Variants in YPEL1 observed in about 807,000 individuals in gnomAD.
The protein encoded by YPEL1 is yippee like 1.
YPEL1 carries 7 observed loss-of-function variants against 17.3 expected under a neutral mutation model. That is an observed-to-expected ratio of 0.40 (90% confidence interval 0.23 to 0.76). YPEL1 has a LOEUF of 0.76. Among genes scored for constraint, YPEL1 ranks in the 30% least tolerant of loss-of-function variants. The pLI, the probability that YPEL1 is intolerant of heterozygous loss-of-function variation, is 0.35. For missense variants in YPEL1, 91 were observed against 155.5 expected (o/e 0.59, Z 2.21); for synonymous variants, 59 against 59.6 (o/e 0.99, Z 0.05).
chr22:21,725,369 G>A (rs1409862966), intron 1 of YPEL1, among the ~76,000 whole-genome samples: 7 of 151,948 alleles, frequency 4.6e-5, no homozygotes, highest in Admixed American at 1.3e-4. Flanking sequence ...ACAGGCACCC[G>A]CCACCACACC....
intron 1 of YPEL1, among the ~76,000 whole-genome samples, chr22:21,727,481 G>A (rs1482853891): frequency 6.6e-6 from 1 of 152,214 alleles, no homozygotes; most frequent in East Asian, 1.9e-4. Context: ...CCCACGTTTG[G>A]AGGGCAGCTG....
At chr22:21,731,553 A>AAC (rs2068387277) in intron 1 of YPEL1, among the ~76,000 whole-genome samples, 2 of 151,564 alleles carry the variant, frequency 1.3e-5, no homozygotes, top group African/African-American at 2.4e-5. Context: ...AAAAAAAAAA[A>AAC]AAACAGATAC....
intron 2 of YPEL1, chr22:21,704,232 C>G (rs2068095297): frequency 7.0e-6 from 5 of 712,908 alleles, no homozygotes; most frequent in South Asian, 4.5e-5. Flanking sequence ...ATGATTTTCT[C>G]TACCCGAAAA....
intron 1 of YPEL1, among the ~76,000 whole-genome samples, chr22:21,732,938 A>T (rs542490219): frequency 6.6e-6 from 1 of 151,954 alleles, no homozygotes; most frequent in Non-Finnish European, 1.5e-5. Flanking sequence ...CCCAAACCTC[A>T]TATCTACCAA....
chr22:21,711,883 C>G (rs2068169778), intron 1 of YPEL1, among the ~76,000 whole-genome samples: 1 of 152,152 alleles, frequency 6.6e-6, no homozygotes, highest in Non-Finnish European at 1.5e-5. Flanking sequence ...CGTAAAAATT[C>G]AAAACTTCTG....
In YPEL1 at chr22:21,714,523, G is replaced by A. The variant is rs187119745; in HGVS notation, c.-164-3615C>T. ...CTGGGCCCCCTTCACCTGGTGTCCC[G>A]TCAGATACACTGCATGCAGCCACTG... On this transcript the variant is annotated intron_variant, in intron 1 of 4. Coordinates refer to ENST00000339468, the MANE Select transcript of YPEL1 (RefSeq NM_013313.5). Among the ~76,000 whole-genome samples, 26 of 152,294 alleles carry A rather than the reference G, an allele frequency of 1.7e-4. No homozygotes were observed. In the East Asian group the frequency reaches 3.5e-3, roughly 20 times the overall value.
In YPEL1 at chr22:21,698,162, AAGCC is replaced by A. The variant is rs2068010338; in HGVS notation, c.*2963_*2966del. ...GGTCCTGTGAATAGCACTTCCCCTG[AAGCC>A]AGCTCATGGTCTGTTCATTTGGTTT... On this transcript the variant is annotated 3_prime_UTR_variant, in exon 5 of 5. Transcript: ENST00000339468. The A allele has an allele frequency of 6.6e-6, 1 of 152,158 alleles. No homozygotes were observed. Among genetic ancestry groups the A allele is most frequent in the South Asian group, 2.1e-4 (1 of 4,830 alleles). The allele number at this position is 152,158 out of a possible 1,614,324, so 9.4% of individuals were successfully genotyped here.
At chr22:21,719,608 G>A (rs2068259983) in intron 1 of YPEL1, among the ~76,000 whole-genome samples, 1 of 152,204 alleles carries the variant, frequency 6.6e-6, no homozygotes, top group Non-Finnish European at 1.5e-5. Context: ...GTATCAGCCA[G>A]GGGCGGTGAC....
intron 1 of YPEL1, among the ~76,000 whole-genome samples, chr22:21,718,153 A>C (rs2068246264): frequency 6.7e-6 from 1 of 149,700 alleles, no homozygotes; most frequent in Non-Finnish European, 1.5e-5. Context: ...ACAAAAACAA[A>C]ACAACAACAA....
At chr22:21,720,855 C>T (rs2068275099) in intron 1 of YPEL1, among the ~76,000 whole-genome samples, 1 of 141,698 alleles carries the variant, frequency 7.1e-6, no homozygotes, top group South Asian at 2.3e-4. Context: ...GTCACTCAGA[C>T]TGGAGTGCAG....
chr22:21,703,515 G>T lies in YPEL1; in HGVS notation c.162-37C>A. 1 of 1,566,090 alleles carries T rather than the reference G, an allele frequency of 6.4e-7. No homozygotes were observed. The highest frequency in any genetic ancestry group is 8.7e-7 in the Non-Finnish European group (1 of 1,148,880). ...GAGGGGCCACTGCGCTGCAGGCCCGGCCCGCCCCTGACCAGGCCCTGCCCC... is the reference window on the plus strand; with the variant it reads ...GAGGGGCCACTGCGCTGCAGGCCCGTCCCGCCCCTGACCAGGCCCTGCCCC... On this transcript the variant is annotated intron_variant, in intron 3 of 4. Coordinates refer to ENST00000339468, the MANE Select transcript of YPEL1 (RefSeq NM_013313.5). This position sits in a 1 kb window ranked among gnomAD's most constrained non-coding sequence, Gnocchi z 6.1.
In YPEL1 at chr22:21,715,040, C is replaced by G. The variant is rs73384122; in HGVS notation, c.-164-4132G>C. On this transcript the variant is annotated intron_variant, in intron 1 of 4. Coordinates refer to ENST00000339468, the MANE Select transcript of YPEL1 (RefSeq NM_013313.5). Reference sequence around the variant, plus strand: ...GACATGACTGTGCCTGTGATGTAAGCTTCAGGAAACTATAGTGTAAGGCAT... The same window carrying G: ...GACATGACTGTGCCTGTGATGTAAGGTTCAGGAAACTATAGTGTAAGGCAT... Among the ~76,000 whole-genome samples the G allele has an allele frequency of 7.7e-3, 1,179 of 152,196 alleles. 13 individuals are homozygous for G. Among genetic ancestry groups the G allele is most frequent in the African/African-American group, 0.027 (1,109 of 41,524 alleles).
At chr22:21,717,758 G>A (rs550520299) in intron 1 of YPEL1, among the ~76,000 whole-genome samples, 1 of 152,288 alleles carries the variant, frequency 6.6e-6, no homozygotes, top group African/African-American at 2.4e-5. Flanking sequence ...AGGCAGCAGA[G>A]AAAGGGACAA....
chr22:21,721,417 CTTTTTTTCTT>C (rs2068282055), intron 1 of YPEL1, among the ~76,000 whole-genome samples: 1 of 41,164 alleles, frequency 2.4e-5, no homozygotes, highest in African/African-American at 8.2e-5. Context: ...CATGCCCAGC[CTTTTTTTCTT>C]TTTTTTTTTT....
At chr22:21,731,478 C>G (rs2068385355) in intron 1 of YPEL1, among the ~76,000 whole-genome samples, 1 of 151,002 alleles carries the variant, frequency 6.6e-6, no homozygotes, top group African/African-American at 2.4e-5. Context: ...TTTATTTACC[C>G]TCATGCTAAA....
At chr22:21,726,193 G>C (rs964871979) in intron 1 of YPEL1, among the ~76,000 whole-genome samples, 4 of 152,132 alleles carry the variant, frequency 2.6e-5, no homozygotes, top group African/African-American at 9.7e-5. Context: ...CAGTGCACAA[G>C]CCAGGGCCCT....
chr22:21,724,646 T>C (rs2068316133), intron 1 of YPEL1, among the ~76,000 whole-genome samples: 1 of 151,294 alleles, frequency 6.6e-6, no homozygotes, highest in Non-Finnish European at 1.5e-5. Context: ...AGTGGCATAA[T>C]CTCAGCTCAC....
chr22:21,702,147 C>T (rs2068072521), intron 4 of YPEL1, among the ~76,000 whole-genome samples: 4 of 152,168 alleles, frequency 2.6e-5, no homozygotes, highest in Non-Finnish European at 4.4e-5. Context: ...GCTAGGGACA[C>T]AGATGACCAA....
chr22:21,735,037 T>C (rs566111992), intron 1 of YPEL1, among the ~76,000 whole-genome samples: 3 of 152,104 alleles, frequency 2.0e-5, no homozygotes, highest in Non-Finnish European at 4.4e-5. Flanking sequence ...AGCACATAAT[T>C]TGGACATCAA....
Sources: gnomAD v4.1 joint callset for allele counts (sites outside exome capture counted in the v4.1 genomes callset) on GRCh38, gnomAD v4.1.1 for gene constraint, Gnocchi (gnomAD v3.1) non-coding constraint, MANE v1.5 for transcripts, NCBI Gene and HGNC (gene_info 2026-07-23, HGNC 2026-07-21) for gene names.